Variants in NEGR1 observed in about 807,000 individuals in gnomAD.
NEGR1 encodes neuronal growth regulator 1.
A neutral mutation model predicts 40.9 loss-of-function variants in NEGR1; 10 were observed. The ratio of observed to expected loss-of-function variants is 0.24; its 90% CI spans 0.15 to 0.42. NEGR1 has a LOEUF of 0.42. Ranked by LOEUF, NEGR1 falls within the 10% of genes least tolerant of loss-of-function variation. The pLI is 1.00. For synonymous variants in NEGR1, 185 were observed against 166.8 expected (o/e 1.11, Z -0.84); for missense variants, 352 against 438.9 (o/e 0.80, Z 1.77).
At chr1:71,640,001 G>C (rs1193721957) in intron 4 of NEGR1, among the ~76,000 whole-genome samples, 1 of 151,954 alleles carries the variant, frequency 6.6e-6, no homozygotes, top group Non-Finnish European at 1.5e-5. Flanking sequence ...TTTCCTGAAT[G>C]GTTAATTTTA....
At chr1:71,566,999 C>T (rs1001563556) in intron 6 of NEGR1, among the ~76,000 whole-genome samples, 12 of 152,090 alleles carry the variant, frequency 7.9e-5, no homozygotes, top group Non-Finnish European at 1.5e-4. Flanking sequence ...ACTCCTAATA[C>T]CGTCACCTTG....
chr1:71,412,528 CA>C (rs1646330080), intron 6 of NEGR1, among the ~76,000 whole-genome samples: 1 of 152,076 alleles, frequency 6.6e-6, no homozygotes, highest in Non-Finnish European at 1.5e-5. Flanking sequence ...AATCTTATAT[CA>C]AATGTGTTCA....
chr1:72,140,221 G>GTTT (rs1289947990), intron 1 of NEGR1, among the ~76,000 whole-genome samples: 3 of 74,674 alleles, frequency 4.0e-5, no homozygotes, highest in African/African-American at 8.0e-5. Context: ...TAAGATAACT[G>GTTT]TTTTTGTTGT....
chr1:71,604,540 A>G (rs1650022409), intron 5 of NEGR1, among the ~76,000 whole-genome samples: 1 of 152,140 alleles, frequency 6.6e-6, no homozygotes, highest in South Asian at 2.1e-4. Context: ...GAGGAGAGGA[A>G]TGGTCATTAC....
intron 4 of NEGR1, among the ~76,000 whole-genome samples, chr1:71,688,190 T>C (rs1337234284): frequency 6.6e-6 from 1 of 150,422 alleles, no homozygotes; most frequent in South Asian, 2.1e-4. Context: ...CAAGTCTGCA[T>C]GGTCGTAAGT....
At chr1:71,577,200 T>A (rs1648992521) in intron 6 of NEGR1, among the ~76,000 whole-genome samples, 1 of 152,246 alleles carries the variant, frequency 6.6e-6, no homozygotes, top group African/African-American at 2.4e-5. Context: ...AGAATATTCC[T>A]GCCTTTTTGG....
At chr1:72,116,848 C>A (rs905192055) in intron 1 of NEGR1, among the ~76,000 whole-genome samples, 1 of 151,674 alleles carries the variant, frequency 6.6e-6, no homozygotes, top group Non-Finnish European at 1.5e-5. Context: ...CCAATATTCA[C>A]ATCTATATGA....
intron 1 of NEGR1, among the ~76,000 whole-genome samples, chr1:72,245,228 G>C (rs1228715442): frequency 2.6e-5 from 4 of 152,070 alleles, no homozygotes; most frequent in Non-Finnish European, 4.4e-5. Flanking sequence ...CATGTTGTGA[G>C]CATTTCCATG....
intron 3 of NEGR1, among the ~76,000 whole-genome samples, chr1:71,720,022 A>G (rs1654450302): frequency 6.6e-6 from 1 of 152,200 alleles, no homozygotes; most frequent in Non-Finnish European, 1.5e-5. Context: ...GTTGTCATAG[A>G]AGTATATAAA....
chr1:71,542,992 G>T (rs765851159), intron 6 of NEGR1, among the ~76,000 whole-genome samples: 4 of 151,676 alleles, frequency 2.6e-5, no homozygotes, highest in Non-Finnish European at 3.0e-5. Context: ...ATATGTGTGT[G>T]TATGTGATAT....
At chr1:72,063,439 A>G (rs1647207552) in intron 1 of NEGR1, among the ~76,000 whole-genome samples, 1 of 151,944 alleles carries the variant, frequency 6.6e-6, no homozygotes, top group Non-Finnish European at 1.5e-5. Context: ...AGTCACACCT[A>G]TTAGGTCGGT....
At chr1:72,120,659 A>C (rs2630402) in intron 1 of NEGR1, among the ~76,000 whole-genome samples, 114,768 of 151,786 alleles carry the variant, frequency 0.76, 43,976 homozygotes, top group African/African-American at 0.88. Flanking sequence ...ATCCCTCCCC[A>C]CTACCTCCAC....
At chr1:72,170,156 C>T (rs945534603) in intron 1 of NEGR1, among the ~76,000 whole-genome samples, 2 of 152,132 alleles carry the variant, frequency 1.3e-5, no homozygotes, top group East Asian at 1.9e-4. Context: ...TCCTCCACAG[C>T]GCTCAGGGCT....
At chr1:72,056,800 T>C (rs531919155) in intron 1 of NEGR1, among the ~76,000 whole-genome samples, 1 of 151,644 alleles carries the variant, frequency 6.6e-6, no homozygotes, top group African/African-American at 2.4e-5. Context: ...TGTTTTGAAG[T>C]CTATTCATAT....
chr1:71,926,123 A>G (rs554766517), intron 2 of NEGR1, among the ~76,000 whole-genome samples: 1 of 152,328 alleles, frequency 6.6e-6, no homozygotes, highest in African/African-American at 2.4e-5. Flanking sequence ...AGAAACATCC[A>G]TTAATCATTA....
At chr1:72,119,898 T>C (rs1327177397) in intron 1 of NEGR1, among the ~76,000 whole-genome samples, 1 of 151,980 alleles carries the variant, frequency 6.6e-6, no homozygotes, top group Non-Finnish European at 1.5e-5. Flanking sequence ...TCACATCTTC[T>C]GAAATGTCTG....
At chr1:71,868,843 C>A (rs1660195664) in intron 2 of NEGR1, among the ~76,000 whole-genome samples, 1 of 152,028 alleles carries the variant, frequency 6.6e-6, no homozygotes, top group African/African-American at 2.4e-5. Flanking sequence ...CTTCCCACTT[C>A]CCACCTTCTC....
intron 1 of NEGR1, among the ~76,000 whole-genome samples, chr1:72,237,472 T>C (rs1025102797): frequency 5.3e-5 from 8 of 151,924 alleles, no homozygotes; most frequent in African/African-American, 1.9e-4. Flanking sequence ...TCCTAGTTCG[T>C]AGGCCATTAC....
chr1:72,103,128 T>C (rs952125842), intron 1 of NEGR1, among the ~76,000 whole-genome samples: 1 of 152,074 alleles, frequency 6.6e-6, no homozygotes, highest in South Asian at 2.1e-4. Context: ...CATCATACCA[T>C]GTGTTTTGTA....
Sources: allele counts gnomAD v4.1 joint callset (sites outside exome capture counted in the v4.1 genomes callset), GRCh38; gene constraint gnomAD v4.1.1; transcripts MANE v1.5; gene names NCBI Gene and HGNC (gene_info 2026-07-23, HGNC 2026-07-21).